Variants in PAQR5 observed in about 807,000 individuals in gnomAD.
PAQR5 encodes membrane progestin receptor gamma.
A neutral mutation model predicts 34.5 loss-of-function variants in PAQR5; 20 were observed. That is an observed-to-expected ratio of 0.58 (90% CI 0.41 to 0.84). The LOEUF (loss-of-function observed/expected upper bound fraction) is 0.84. Among genes scored for constraint, PAQR5 ranks in the 40% least tolerant of loss-of-function variants. PAQR5 has a pLI of 0.00. For synonymous variants in PAQR5, 131 were observed against 155.6 expected, an observed-to-expected ratio of 0.84 and a Z score of 1.18; for missense variants, 378 against 412.7, an observed-to-expected ratio of 0.92 and a Z score of 0.73.
At chr15:69,358,264 G>A (rs1012634656) in intron 2 of PAQR5, among the ~76,000 whole-genome samples, 1 of 152,154 alleles carries the variant, frequency 6.6e-6, no homozygotes, top group Non-Finnish European at 1.5e-5. Context: ...TCTTCATCCT[G>A]CATTTAAGCA....
chr15:69,339,101 G>A (rs915221559), intron 2 of PAQR5, among the ~76,000 whole-genome samples: 2 of 150,126 alleles, frequency 1.3e-5, no homozygotes. Flanking sequence ...CTGAGTCAGC[G>A]CAAGAAGACA....
intron 6 of PAQR5, among the ~76,000 whole-genome samples, chr15:69,390,248 G>T (rs1409700045): frequency 4.6e-5 from 7 of 152,224 alleles, no homozygotes; most frequent in Non-Finnish European, 1.5e-5. Flanking sequence ...ACTCCTGACT[G>T]CAGGTAATCC....
intron 6 of PAQR5, among the ~76,000 whole-genome samples, chr15:69,394,719 C>T (rs972900805): frequency 6.6e-6 from 1 of 152,220 alleles, no homozygotes; most frequent in African/African-American, 2.4e-5. Flanking sequence ...GCAGGCTGGG[C>T]TGTGGGGCCG....
intron 5 of PAQR5, among the ~76,000 whole-genome samples, chr15:69,386,245 A>C (rs1400780627): frequency 6.7e-6 from 1 of 150,166 alleles, no homozygotes; most frequent in African/African-American, 2.5e-5. Context: ...ACACACACAC[A>C]CCACACACAC....
intron 3 of PAQR5, among the ~76,000 whole-genome samples, chr15:69,374,944 G>A (rs368694769): frequency 6.6e-6 from 1 of 152,128 alleles, no homozygotes; most frequent in South Asian, 2.1e-4. Context: ...GCATCAGCAG[G>A]CCCTGGGAGC....
At chr15:69,370,127 ATTC>A (rs1295972521) in intron 3 of PAQR5, among the ~76,000 whole-genome samples, 1 of 152,234 alleles carries the variant, frequency 6.6e-6, no homozygotes, top group Non-Finnish European at 1.5e-5. Flanking sequence ...TGCCCCAGCC[ATTC>A]TTCCATGACA....
chr15:69,300,597 CT>C (rs1474580807), intron 1 of PAQR5, among the ~76,000 whole-genome samples: 1 of 21,888 alleles, frequency 4.6e-5, no homozygotes, highest in East Asian at 8.0e-4. Flanking sequence ...TTCCTTCTTT[CT>C]TTCTTTCTTT....
intron 6 of PAQR5, among the ~76,000 whole-genome samples, chr15:69,390,347 TATTTA>T (rs2056226935): frequency 6.8e-5 from 8 of 117,836 alleles, no homozygotes; most frequent in East Asian, 2.2e-4. Flanking sequence ...TTTATTTATT[TATTTA>T]TTTATTTATT....
In PAQR5 at chr15:69,301,436, C is replaced by T. The variant is rs148343020; in HGVS notation, c.-277+2380C>T. Reference sequence around the variant, plus strand: ...GAGGCAGAGCAACTTTGTCCCTTTACGTAGAATTCTTATGCATCCCTCTGG... The same window carrying T: ...GAGGCAGAGCAACTTTGTCCCTTTATGTAGAATTCTTATGCATCCCTCTGG... On this transcript the variant is annotated intron_variant, in intron 1 of 8. Coordinates refer to ENST00000395407, the MANE Select transcript of PAQR5 (RefSeq NM_017705.4). 3.7e-3 allele frequency among the ~76,000 whole-genome samples: 562 copies of T among 152,304 alleles called. 9 individuals are homozygous for T. The highest frequency in any genetic ancestry group is 0.013 in the African/African-American group (522 of 41,564).
At chr15:69,395,005 GA>G (rs2056376854) in intron 6 of PAQR5, among the ~76,000 whole-genome samples, 1 of 152,228 alleles carries the variant, frequency 6.6e-6, no homozygotes, top group African/African-American at 2.4e-5. Context: ...TCAAGTCACA[GA>G]AAATCCATGC....
rs71149903 is a variant in PAQR5 at position 69,301,859 on chromosome 15, A to ATTTTTTTTTTTT, written c.-277+2829_-277+2840dup. ...GTGAATTCATAAGAAATGGGGGGAG[A>ATTTTTTTTTTTT]TTTTTTTTTTTTTTTTTTTTTTTTT... On this transcript the variant is annotated intron_variant, in intron 1 of 8. Coordinates refer to ENST00000395407, the MANE Select transcript of PAQR5 (RefSeq NM_017705.4). 3.9e-3 allele frequency among the ~76,000 whole-genome samples: 381 copies of ATTTTTTTTTTTT among 98,816 alleles called. 42 individuals carry two copies. The highest frequency in any genetic ancestry group is 5.6e-3 in the Non-Finnish European group (315 of 55,884). The allele number at this position is 98,816 out of a possible 152,430, so 64.8% of individuals were successfully genotyped here.
intron 1 of PAQR5, among the ~76,000 whole-genome samples, chr15:69,321,778 C>T (rs2054101907): frequency 6.6e-6 from 1 of 152,150 alleles, no homozygotes; most frequent in Non-Finnish European, 1.5e-5. Context: ...CAGTGGACAG[C>T]AGAAGTCATT....
chr15:69,303,180 G>A (rs966711850), intron 1 of PAQR5, among the ~76,000 whole-genome samples: 14 of 152,214 alleles, frequency 9.2e-5, no homozygotes, highest in African/African-American at 3.4e-4. Flanking sequence ...TGGGGAGACT[G>A]AGACCCAGAG....
chr15:69,362,655 G>C (rs538715836), intron 3 of PAQR5, among the ~76,000 whole-genome samples: 3 of 152,262 alleles, frequency 2.0e-5, no homozygotes, highest in East Asian at 1.9e-4. Context: ...TGCCTCCTGG[G>C]GTTGTGAGAA....
chr15:69,331,932 T>A (rs1595863446), intron 1 of PAQR5, among the ~76,000 whole-genome samples: 1 of 152,206 alleles, frequency 6.6e-6, no homozygotes. Flanking sequence ...CTCTTGTAAG[T>A]GGCTTGAACC....
chr15:69,360,606 G>A (rs2055206629), intron 3 of PAQR5, among the ~76,000 whole-genome samples: 1 of 152,162 alleles, frequency 6.6e-6, no homozygotes, highest in African/African-American at 2.4e-5. Context: ...GCCCTTTAGT[G>A]GACCCATGGG....
chr15:69,358,683 G>C (rs1028470240), intron 2 of PAQR5, among the ~76,000 whole-genome samples: 7 of 116,304 alleles, frequency 6.0e-5, no homozygotes, highest in African/African-American at 2.3e-4. Context: ...TCTGGCTGGA[G>C]TGCAGTGGCA....
At chr15:69,365,305 A>G (rs2415045) in intron 3 of PAQR5, among the ~76,000 whole-genome samples, 143,556 of 151,680 alleles carry the variant, frequency 0.95, 68,434 homozygotes, top group South Asian at 1. Flanking sequence ...ATGGGGTTTC[A>G]TCATGTTGGC....
Position 69,399,972 on chromosome 15 carries a change from A to G in PAQR5, c.610-2A>G. On this transcript the variant is annotated splice_acceptor_variant, in intron 7 of 8. Transcript: ENST00000395407. LOFTEE classifies it high-confidence loss of function. Reference sequence around the variant, plus strand: ...ACCTGATGTTTCTTTAAACACCTGCAGCTATTCCTGTTCCCAGGGGAGAGT... The same window carrying G: ...ACCTGATGTTTCTTTAAACACCTGCGGCTATTCCTGTTCCCAGGGGAGAGT... 6.2e-7 allele frequency: 1 copy of G among 1,613,208 alleles called. No individual in the cohort carries two copies. Among genetic ancestry groups the G allele is most frequent in the South Asian group, 1.1e-5 (1 of 90,954 alleles).
Sources: allele counts gnomAD v4.1 joint callset (sites outside exome capture counted in the v4.1 genomes callset), GRCh38; gene constraint gnomAD v4.1.1; transcripts MANE v1.5; gene names NCBI Gene and HGNC (gene_info 2026-07-23, HGNC 2026-07-21).